SAP30BP: variants seen among roughly 807,000 people sequenced by gnomAD.
SAP30BP encodes the protein SAP30 binding protein.
In SAP30BP, 31 loss-of-function variants were observed where a neutral mutation model predicts 46.3. That is an observed-to-expected ratio of 0.67 (90% CI 0.50 to 0.90). The LOEUF is 0.90. Ranked by LOEUF, SAP30BP falls within the 40% of genes least tolerant of loss-of-function variation. The probability of loss-of-function intolerance (pLI) is 0.00; values close to 1 mark genes in which losing one functional copy is unlikely to be tolerated. For missense variants in SAP30BP, 312 were observed against 391.0 expected (o/e 0.80, Z 1.70); for synonymous variants, 169 against 144.2 (o/e 1.17, Z -1.23).
intron 3 of SAP30BP, among the ~76,000 whole-genome samples, chr17:75,688,811 C>G (rs1230211005): frequency 1.3e-5 from 2 of 152,178 alleles, no homozygotes; most frequent in African/African-American, 4.8e-5. Flanking sequence ...GCAGGAGGAA[C>G]CATATTCCAG....
At chr17:75,705,130 T>G in intron 9 of SAP30BP, 1 of 363,836 alleles carries the variant, frequency 2.7e-6, no homozygotes. Context: ...AGGGAAATAG[T>G]TCCCTAAGAG....
chr17:75,705,944 G>A, intron 9 of SAP30BP, 64 bp from the exon 10 acceptor site: 4 of 1,602,150 alleles, frequency 2.5e-6, no homozygotes, highest in Admixed American at 1.7e-5. Flanking sequence ...GGAGCTGACG[G>A]ATGGCAAAAA....
Position 75,674,933 on chromosome 17 carries a change from G to A in SAP30BP, c.264+3070G>A, listed in dbSNP as rs115547668. 4.7e-3 allele frequency among the ~76,000 whole-genome samples: 709 copies of A among 151,760 alleles called. 4 individuals carry two copies. Among genetic ancestry groups the A allele is most frequent in the African/African-American group, 0.016 (665 of 41,328 alleles). On this transcript the variant is annotated intron_variant, in intron 3 of 10. Transcript: ENST00000584667. Reference sequence around the variant, plus strand: ...GCCCCGGCTGGTCTTGAACTCCTGGGCTCAAGTAATCTGCCCACATTGGCT... The same window carrying A: ...GCCCCGGCTGGTCTTGAACTCCTGGACTCAAGTAATCTGCCCACATTGGCT...
At chr17:75,679,730 C>T (rs888551634) in intron 3 of SAP30BP, 1 of 152,072 alleles carries the variant, frequency 6.6e-6, no homozygotes, top group Non-Finnish European at 1.5e-5. Flanking sequence ...ATTATTTTTT[C>T]GTCTCTAACT....
At chr17:75,689,295 T>G (rs2060208566) in intron 3 of SAP30BP, among the ~76,000 whole-genome samples, 1 of 152,006 alleles carries the variant, frequency 6.6e-6, no homozygotes, top group Non-Finnish European at 1.5e-5. Context: ...TTTTGTATTT[T>G]TAGTGGAGAG....
intron 4 of SAP30BP, 107 bp from the exon 5 acceptor site, chr17:75,699,676 A>G (rs2060377469): frequency 9.7e-6 from 7 of 723,996 alleles, no homozygotes; most frequent in South Asian, 6.4e-5. Flanking sequence ...CTGTTTTCAT[A>G]GTGTTTATCC....
chr17:75,677,986 T>C (rs1269106509), intron 3 of SAP30BP, among the ~76,000 whole-genome samples: 1 of 152,118 alleles, frequency 6.6e-6, no homozygotes, highest in Non-Finnish European at 1.5e-5. Context: ...ACTGTTTTTA[T>C]TGCTCTGAAA....
In SAP30BP at chr17:75,707,738, T is replaced by C. The variant is rs1455481616; in HGVS notation, c.*1217T>C. On this transcript the variant is annotated 3_prime_UTR_variant, in exon 11 of 11. Coordinates refer to ENST00000584667, the MANE Select transcript of SAP30BP (RefSeq NM_013260.8). ...CCCTTCCTCGATGGGGCTTTAAAGC[T>C]CTGGGGAGAAGAGCTGCTCCCCACT... 6.6e-6 allele frequency: 1 copy of C among 152,292 alleles called. No individual in the cohort carries two copies. The highest frequency in any genetic ancestry group is 6.5e-5 in the Admixed American group (1 of 15,274). 9.4% of individuals were successfully genotyped at this position (152,292 alleles called of 1,614,324 possible).
chr17:75,702,008 G>A (rs1403812655), intron 5 of SAP30BP, among the ~76,000 whole-genome samples: 2 of 152,184 alleles, frequency 1.3e-5, no homozygotes, highest in Non-Finnish European at 2.9e-5. Context: ...GCAGGGTGGA[G>A]AAAGAGAATA....
chr17:75,703,195 G>A, intron 6 of SAP30BP, 116 bp from the exon 7 acceptor site: 1 of 943,596 alleles, frequency 1.1e-6, no homozygotes, highest in South Asian at 1.5e-5. Flanking sequence ...GCTTAGAGCA[G>A]CTGAGCTGGA....
intron 8 of SAP30BP, 77 bp from the exon 9 acceptor site, chr17:75,704,679 G>T: frequency 9.3e-7 from 1 of 1,072,870 alleles, no homozygotes; most frequent in Non-Finnish European, 1.5e-6. Context: ...TGAAAAGAAC[G>T]CAGGGATCAG....
At chr17:75,703,585 G>A (rs1568324075) in intron 7 of SAP30BP, 1 of 634,164 alleles carries the variant, frequency 1.6e-6, no homozygotes, top group African/African-American at 1.8e-5. Context: ...CCTGACTGGT[G>A]GGGACATGTG....
At chr17:75,697,281 C>T (rs965698963) in intron 4 of SAP30BP, among the ~76,000 whole-genome samples, 1 of 152,206 alleles carries the variant, frequency 6.6e-6, no homozygotes, top group African/African-American at 2.4e-5. Context: ...CTGCCAAGGC[C>T]CTCCTTGCTT....
intron 5 of SAP30BP, among the ~76,000 whole-genome samples, chr17:75,700,716 C>T (rs2060396061): frequency 6.6e-6 from 1 of 152,192 alleles, no homozygotes; most frequent in African/African-American, 2.4e-5. Flanking sequence ...GCTGGGTCGT[C>T]TCCCCACCAC....
chr17:75,705,967 C>T (rs1045211628), intron 9 of SAP30BP, 41 bp from the exon 10 acceptor site: 2 of 1,608,122 alleles, frequency 1.2e-6, no homozygotes, highest in African/African-American at 1.3e-5. Context: ...TGTGGACACC[C>T]AGCTTTGCCT....
chr17:75,668,129 C>T (rs1227004415), intron 1 of SAP30BP: 1 of 180,188 alleles, frequency 5.5e-6, no homozygotes, highest in Non-Finnish European at 1.1e-5. Context: ...CATATCAGGA[C>T]CTTAGCTTCC....
chr17:75,670,532 G>A (rs553379678), intron 2 of SAP30BP, among the ~76,000 whole-genome samples: 131 of 152,116 alleles, frequency 8.6e-4, no homozygotes, highest in African/African-American at 3.0e-3. Context: ...TCTTTAGTAC[G>A]TTTGCATAAT....
At position 75,706,261 on chromosome 17, in the gene SAP30BP, C is replaced by A; in HGVS notation, c.746-79C>A. 1.3e-6 allele frequency: 2 copies of A among 1,552,672 alleles called. No homozygotes were observed. Among genetic ancestry groups the A allele is most frequent in the Non-Finnish European group, 1.8e-6 (2 of 1,141,400 alleles). Reference sequence around the variant, plus strand: ...CACTTCGGGGTCTGCTCCCTAGACTCCCGCTGGCCTGCAGGGGGAAGGGAA... The same window carrying A: ...CACTTCGGGGTCTGCTCCCTAGACTACCGCTGGCCTGCAGGGGGAAGGGAA... On this transcript the variant is annotated intron_variant, in intron 10 of 10. Coordinates refer to ENST00000584667, the MANE Select transcript of SAP30BP (RefSeq NM_013260.8). This position sits in a 1 kb window ranked among gnomAD's most constrained non-coding sequence, Gnocchi z 4.6.
intron 3 of SAP30BP, among the ~76,000 whole-genome samples, chr17:75,683,000 T>TA (rs1368273462): frequency 1.3e-5 from 2 of 150,916 alleles, no homozygotes; most frequent in South Asian, 2.1e-4. Context: ...GTATAGGAGT[T>TA]ATATCTCAAT....
Sources: gnomAD v4.1 joint callset for allele counts (sites outside exome capture counted in the v4.1 genomes callset) on GRCh38, gnomAD v4.1.1 for gene constraint, Gnocchi (gnomAD v3.1) non-coding constraint, MANE v1.5 for transcripts, NCBI Gene and HGNC (gene_info 2026-07-23, HGNC 2026-07-21) for gene names.